The following FOXP2 variants were observed in gnomAD, a reference collection of about 807,000 sequenced individuals.
FOXP2 encodes the protein forkhead box P2.
FOXP2 carries 12 observed loss-of-function variants against 115.8 expected under a neutral mutation model. The observed-to-expected ratio is 0.10, with a 90% confidence interval of 0.07 to 0.17. FOXP2 has a LOEUF of 0.17. FOXP2 is among the 10% of genes least tolerant of loss of function. The pLI, the probability that FOXP2 is intolerant of heterozygous loss-of-function variation, is 1.00. For synonymous variants in FOXP2, 328 were observed against 297.7 expected (o/e 1.10, Z -1.05); for missense variants, 629 against 843.5 (o/e 0.75, Z 3.15).
At chr7:114,497,696 A>C (rs1426446010) in intron 2 of FOXP2, among the ~76,000 whole-genome samples, 1 of 150,768 alleles carries the variant, frequency 6.6e-6, no homozygotes, top group Non-Finnish European at 1.5e-5. Context: ...TAAATAAATA[A>C]ATAAATAAAT....
chr7:114,371,849 T>C (rs1792017082), intron 2 of FOXP2, among the ~76,000 whole-genome samples: 1 of 152,192 alleles, frequency 6.6e-6, no homozygotes, highest in Admixed American at 6.5e-5. Context: ...AGTGAGAATG[T>C]TTTATTGTGG....
chr7:114,476,373 A>T (rs921798000), intron 2 of FOXP2, among the ~76,000 whole-genome samples: 1 of 152,038 alleles, frequency 6.6e-6, no homozygotes, highest in African/African-American at 2.4e-5. Flanking sequence ...TTTATTGAAT[A>T]GGGAGTTCTT....
intron 1 of FOXP2, among the ~76,000 whole-genome samples, chr7:114,132,211 A>T (rs893843723): frequency 6.6e-6 from 1 of 152,198 alleles, no homozygotes; most frequent in African/African-American, 2.4e-5. Context: ...TTTAGTTTAA[A>T]CAACATAATT....
intron 2 of FOXP2, among the ~76,000 whole-genome samples, chr7:114,489,487 T>C (rs911787412): frequency 6.6e-6 from 1 of 152,010 alleles, no homozygotes; most frequent in African/African-American, 2.4e-5. Flanking sequence ...TTGTCTCTAG[T>C]CCTTTTCTCT....
At chr7:114,088,851 T>G (rs941218812) in intron 1 of FOXP2, among the ~76,000 whole-genome samples, 3 of 152,222 alleles carry the variant, frequency 2.0e-5, no homozygotes, top group Non-Finnish European at 4.4e-5. Flanking sequence ...TTTATTTGTA[T>G]CTATATTAAA....
intron 6 of FOXP2, among the ~76,000 whole-genome samples, chr7:114,639,545 G>C (rs1206762773): frequency 6.7e-6 from 1 of 149,710 alleles, no homozygotes; most frequent in Non-Finnish European, 1.5e-5. Flanking sequence ...AAAGCTGGAT[G>C]AGGAGTTAAG....
chr7:114,124,069 CCT>C (rs147417700), intron 1 of FOXP2, among the ~76,000 whole-genome samples: 24 of 149,780 alleles, frequency 1.6e-4, no homozygotes, highest in Admixed American at 2.0e-4. Context: ...CCATTTTTAT[CCT>C]CTCTCTCTCT....
rs547178574 is a variant in FOXP2 at position 114,521,668 on chromosome 7, T to C, written c.169-12949T>C. On this transcript the variant is annotated intron_variant, in intron 2 of 16. Coordinates refer to ENST00000350908, the MANE Select transcript of FOXP2 (RefSeq NM_014491.4). ...ATAACACTTTTGTGACAACCAATAG[T>C]AATTTTTTGGATCTTCACTTAAAAA... is the stretch of plus-strand genomic sequence containing the variant. 2.6e-5 allele frequency among the ~76,000 whole-genome samples: 4 copies of C among 152,226 alleles called. No individual in the cohort carries two copies. The South Asian group carries it at 8.3e-4, about 32-fold the overall frequency.
chr7:114,648,469 G>A (rs1318059238), intron 8 of FOXP2, among the ~76,000 whole-genome samples: 3 of 152,092 alleles, frequency 2.0e-5, no homozygotes, highest in East Asian at 1.9e-4. Flanking sequence ...TCCCTTTTTA[G>A]CTTATAAAAT....
chr7:114,179,584 G>T (rs1240451637), intron 1 of FOXP2, among the ~76,000 whole-genome samples: 1 of 151,936 alleles, frequency 6.6e-6, no homozygotes, highest in African/African-American at 2.4e-5. Flanking sequence ...AAAGAAAGTT[G>T]TCTATTTACC....
chr7:114,129,705 G>A (rs1268830116), intron 1 of FOXP2, among the ~76,000 whole-genome samples: 1 of 152,078 alleles, frequency 6.6e-6, no homozygotes, highest in Non-Finnish European at 1.5e-5. Context: ...GGTGTTGGCC[G>A]AACTTTATAA....
intron 2 of FOXP2, among the ~76,000 whole-genome samples, chr7:114,334,452 T>C (rs908371392): frequency 1.3e-5 from 2 of 151,938 alleles, no homozygotes; most frequent in Admixed American, 6.6e-5. Flanking sequence ...TCATTTATAG[T>C]GTAAGTTTTC....
At chr7:114,483,143 G>C (rs540896593) in intron 2 of FOXP2, among the ~76,000 whole-genome samples, 1 of 150,956 alleles carries the variant, frequency 6.6e-6, no homozygotes, top group East Asian at 1.9e-4. Flanking sequence ...AGTGAGGTTC[G>C]TTGAAGTCAT....
chr7:114,376,455 G>T (rs940847699), intron 2 of FOXP2, among the ~76,000 whole-genome samples: 1 of 152,214 alleles, frequency 6.6e-6, no homozygotes, highest in Non-Finnish European at 1.5e-5. Context: ...TCAGCACAGT[G>T]TCTGGGGAAT....
intron 1 of FOXP2, among the ~76,000 whole-genome samples, chr7:114,154,367 T>C (rs1053011141): frequency 6.6e-6 from 1 of 151,998 alleles, no homozygotes; most frequent in Non-Finnish European, 1.5e-5. Flanking sequence ...GCCTATTTGC[T>C]CTGAGATTTT....
chr7:114,099,410 G>T (rs534578297), intron 1 of FOXP2, among the ~76,000 whole-genome samples: 1 of 152,244 alleles, frequency 6.6e-6, no homozygotes, highest in South Asian at 2.1e-4. Flanking sequence ...GGCACCTCTT[G>T]TCCGCTTTGG....
At chr7:114,360,920 CT>C (rs1389859923) in intron 2 of FOXP2, among the ~76,000 whole-genome samples, 2 of 152,106 alleles carry the variant, frequency 1.3e-5, no homozygotes, top group African/African-American at 4.8e-5. Context: ...TCATGGACAA[CT>C]TAAATACTTT....
chr7:114,644,867 A>G, intron 8 of FOXP2, 78 bp downstream of exon 8: 1 of 1,111,672 alleles, frequency 9.0e-7, no homozygotes, highest in East Asian at 2.5e-5. Context: ...AAATAAACAA[A>G]AGATGAAGGA....
intron 4 of FOXP2, 131 bp from the exon 5 acceptor site, chr7:114,629,674 A>G (rs377208253): frequency 1.2e-5 from 19 of 1,601,474 alleles, no homozygotes; most frequent in Admixed American, 1.7e-5. Flanking sequence ...AATCCAATGT[A>G]TATTTTTTGT....
Sources: gnomAD v4.1 joint callset for allele counts (sites outside exome capture counted in the v4.1 genomes callset) on GRCh38, gnomAD v4.1.1 for gene constraint, MANE v1.5 for transcripts, NCBI Gene and HGNC (gene_info 2026-07-23, HGNC 2026-07-21) for gene names.